The following EEFSEC variants were observed in gnomAD, a reference collection of about 807,000 sequenced individuals.
EEFSEC encodes the protein selenocysteine-specific elongation factor.
In EEFSEC, 43 loss-of-function variants were observed where a neutral mutation model predicts 42.1. That is an observed-to-expected ratio of 1.02 (90% CI 0.80 to 1.32). EEFSEC has a LOEUF of 1.32. Among genes scored for constraint, EEFSEC ranks in the 40% most tolerant of loss-of-function variants. The pLI is 0.00. For synonymous variants in EEFSEC, 354 were observed against 339.1 expected (o/e 1.04, Z -0.48); for missense variants, 745 against 803.6 (o/e 0.93, Z 0.88).
chr3:128,277,862 A>G (rs755629416), intron 4 of EEFSEC, among the ~76,000 whole-genome samples: 74 of 152,190 alleles, frequency 4.9e-4, no homozygotes, highest in Non-Finnish European at 9.6e-4. Context: ...GGTCCGAAGG[A>G]GGAGGAAGAC....
downstream of EEFSEC, among the ~76,000 whole-genome samples, chr3:128,412,157 T>C (rs2068178260): frequency 1.3e-5 from 2 of 152,352 alleles, no homozygotes; most frequent in South Asian, 4.1e-4. Flanking sequence ...TATCCAGTGC[T>C]AGTTTGCCCC....
intron 6 of EEFSEC, among the ~76,000 whole-genome samples, chr3:128,406,054 G>C (rs2068106072): frequency 6.6e-6 from 1 of 152,218 alleles, no homozygotes; most frequent in Non-Finnish European, 1.5e-5. Context: ...CTCCCACCAG[G>C]ACCCCCCAGT....
intron 1 of EEFSEC, among the ~76,000 whole-genome samples, chr3:128,195,206 G>A (rs1323741232): frequency 6.6e-6 from 1 of 152,188 alleles, no homozygotes; most frequent in Non-Finnish European, 1.5e-5. Flanking sequence ...GGCTTTAGGA[G>A]TTGAGGAAAC....
chr3:128,154,739 A>G (rs1222619448), intron 1 of EEFSEC, among the ~76,000 whole-genome samples: 1 of 152,072 alleles, frequency 6.6e-6, no homozygotes, highest in Non-Finnish European at 1.5e-5. Context: ...GTGAGCCACC[A>G]CGTCCGGCCT....
intron 6 of EEFSEC, among the ~76,000 whole-genome samples, chr3:128,399,600 G>A (rs1052282341): frequency 6.6e-6 from 1 of 152,052 alleles, no homozygotes; most frequent in Non-Finnish European, 1.5e-5. Flanking sequence ...GCCCCCCCCA[G>A]CCAGCGACGT....
intron 4 of EEFSEC, among the ~76,000 whole-genome samples, chr3:128,272,519 G>A (rs987323372): frequency 1.3e-5 from 2 of 152,222 alleles, no homozygotes; most frequent in African/African-American, 4.8e-5. Flanking sequence ...CCCAGAAGCA[G>A]AGCCTGCACC....
At chr3:128,164,947 G>C (rs1325780279) in intron 1 of EEFSEC, among the ~76,000 whole-genome samples, 1 of 152,204 alleles carries the variant, frequency 6.6e-6, no homozygotes, top group Non-Finnish European at 1.5e-5. Context: ...AAGGAGAAGA[G>C]GAAGGACACC....
intron 6 of EEFSEC, among the ~76,000 whole-genome samples, chr3:128,393,795 G>A (rs1039068847): frequency 6.6e-6 from 1 of 152,268 alleles, no homozygotes; most frequent in Non-Finnish European, 1.5e-5. Flanking sequence ...AGTTACAGTG[G>A]GAGGTACTGA....
At chr3:128,267,109 G>A (rs2066362659) in intron 4 of EEFSEC, among the ~76,000 whole-genome samples, 1 of 152,040 alleles carries the variant, frequency 6.6e-6, no homozygotes, top group Non-Finnish European at 1.5e-5. Flanking sequence ...TTGAATTGGG[G>A]GTACCTGAGG....
intron 4 of EEFSEC, among the ~76,000 whole-genome samples, chr3:128,294,875 C>T (rs1465681305): frequency 2.6e-5 from 4 of 152,176 alleles, no homozygotes; most frequent in Non-Finnish European, 1.5e-5. Flanking sequence ...AAAACAGAAA[C>T]ACATCATACC....
intron 1 of EEFSEC, among the ~76,000 whole-genome samples, chr3:128,178,169 A>C (rs1468654319): frequency 6.6e-6 from 1 of 152,206 alleles, no homozygotes; most frequent in Non-Finnish European, 1.5e-5. Flanking sequence ...TTTTCAGTGA[A>C]GGTTTTATTA....
intron 3 of EEFSEC, among the ~76,000 whole-genome samples, chr3:128,263,999 A>G (rs2066325562): frequency 6.6e-6 from 1 of 152,100 alleles, no homozygotes; most frequent in African/African-American, 2.4e-5. Context: ...TATGGGGGAG[A>G]TAATAAAGAG....
At chr3:128,289,647 G>T (rs937437082) in intron 4 of EEFSEC, among the ~76,000 whole-genome samples, 2 of 152,158 alleles carry the variant, frequency 1.3e-5, no homozygotes, top group African/African-American at 4.8e-5. Flanking sequence ...ACACAGTATG[G>T]GTCAAACAAA....
chr3:128,393,497 G>C (rs2067941680), intron 6 of EEFSEC, among the ~76,000 whole-genome samples: 1 of 152,180 alleles, frequency 6.6e-6, no homozygotes, highest in African/African-American at 2.4e-5. Flanking sequence ...GAGGGTAGAG[G>C]GACACCTGGC....
intron 1 of EEFSEC, among the ~76,000 whole-genome samples, chr3:128,213,343 A>C (rs766739704): frequency 1.3e-5 from 2 of 152,238 alleles, no homozygotes; most frequent in African/African-American, 4.8e-5. Context: ...TGTCCTTGGC[A>C]TGTAGTTGGC....
chr3:128,259,861 A>G (rs1410936008), intron 2 of EEFSEC, among the ~76,000 whole-genome samples: 1 of 152,116 alleles, frequency 6.6e-6, no homozygotes, highest in African/African-American at 2.4e-5. Flanking sequence ...TTATGTCACA[A>G]CAGAATAATA....
At chr3:128,221,191 G>T (rs2065857571) in intron 1 of EEFSEC, among the ~76,000 whole-genome samples, 1 of 152,152 alleles carries the variant, frequency 6.6e-6, no homozygotes, top group Admixed American at 6.5e-5. Context: ...TTGAAATGCT[G>T]GATAAAGTGA....
chr3:128,399,588 C>T (rs971314008), intron 6 of EEFSEC, among the ~76,000 whole-genome samples: 4 of 151,806 alleles, frequency 2.6e-5, no homozygotes, highest in Non-Finnish European at 5.9e-5. Flanking sequence ...ACCAAGGAGC[C>T]GGCCCCCCCC....
chr3:128,413,985 G>A, the EEFSEC span, among the ~76,000 whole-genome samples: 1 of 152,198 alleles, frequency 6.6e-6, no homozygotes, highest in African/African-American at 2.4e-5. Flanking sequence ...GGGGCCGCTG[G>A]GCCCAAGGCA....
Sources: gnomAD v4.1 joint callset for allele counts (sites outside exome capture counted in the v4.1 genomes callset) on GRCh38, gnomAD v4.1.1 for gene constraint, MANE v1.5 for transcripts, NCBI Gene and HGNC (gene_info 2026-07-23, HGNC 2026-07-21) for gene names.